INSR: variants seen among roughly 807,000 people sequenced by gnomAD.
INSR encodes insulin receptor.
Under a neutral mutation model 142.6 loss-of-function variants are expected in INSR, and 67 were observed. The ratio of observed to expected loss-of-function variants is 0.47; its 90% CI spans 0.39 to 0.58. The LOEUF (loss-of-function observed/expected upper bound fraction) is 0.58. Among genes scored for constraint, INSR ranks in the 20% least tolerant of loss-of-function variants. The probability of loss-of-function intolerance (pLI) is 0.00; values close to 1 mark genes in which losing one functional copy is unlikely to be tolerated. For synonymous variants in INSR, 756 were observed against 743.1 expected (o/e 1.02, Z -0.28); for missense variants, 1,248 against 1,833.2 (o/e 0.68, Z 5.83).
intron 3 of INSR, among the ~76,000 whole-genome samples, chr19:7,179,412 G>A (rs1370863944): frequency 6.6e-6 from 1 of 152,252 alleles, no homozygotes; most frequent in African/African-American, 2.4e-5. Flanking sequence ...CTTTGGAGGA[G>A]GATGGTGTCA....
intron 2 of INSR, among the ~76,000 whole-genome samples, chr19:7,250,210 A>G (rs929087885): frequency 4.1e-5 from 6 of 146,654 alleles, no homozygotes; most frequent in African/African-American, 1.5e-4. Flanking sequence ...GAGAAAAGAA[A>G]GAGAGAGGGA....
chr19:7,271,576 A>G (rs534573946), intron 1 of INSR, among the ~76,000 whole-genome samples: 2 of 152,306 alleles, frequency 1.3e-5, no homozygotes, highest in African/African-American at 4.8e-5. Context: ...ACTGTGGAAA[A>G]CACTCTGGTA....
At chr19:7,170,423 T>C in intron 6 of INSR, 114 bp downstream of exon 6, 1 of 772,864 alleles carries the variant, frequency 1.3e-6, no homozygotes, top group Non-Finnish European at 2.3e-6. Context: ...GCATAGTAAA[T>C]GTAATGCACT....
intron 9 of INSR, among the ~76,000 whole-genome samples, chr19:7,154,501 A>ACC (rs1263723576): frequency 3.3e-4 from 49 of 150,008 alleles, no homozygotes; most frequent in Non-Finnish European, 5.9e-4. Context: ...ATGGGGTTTC[A>ACC]TTGTGTTAGC....
intron 13 of INSR, among the ~76,000 whole-genome samples, chr19:7,139,509 G>A (rs1973016638): frequency 6.6e-6 from 1 of 152,118 alleles, no homozygotes; most frequent in Non-Finnish European, 1.5e-5. Flanking sequence ...GACATCAAAA[G>A]GCAGAGGAAA....
At chr19:7,151,113 GC>G (rs1973328486) in intron 10 of INSR, among the ~76,000 whole-genome samples, 1 of 114,482 alleles carries the variant, frequency 8.7e-6, no homozygotes, top group Non-Finnish European at 1.8e-5. Flanking sequence ...TCCCTCCCTT[GC>G]CCCCTTCCTT....
At chr19:7,172,473 CAT>C (rs1974040585) in intron 4 of INSR, 39 bp from the exon 5 acceptor site, 1 of 1,604,186 alleles carries the variant, frequency 6.2e-7, no homozygotes, top group Non-Finnish European at 8.5e-7. Flanking sequence ...TTTCTATAGA[CAT>C]ATTTCAATCT....
chr19:7,283,723 A>T (rs1807514308), intron 1 of INSR, among the ~76,000 whole-genome samples: 1 of 152,172 alleles, frequency 6.6e-6, no homozygotes, highest in Non-Finnish European at 1.5e-5. Context: ...TACGGGTATG[A>T]GCCACAGATT....
At chr19:7,249,011 G>A (rs926778317) in intron 2 of INSR, among the ~76,000 whole-genome samples, 1 of 151,806 alleles carries the variant, frequency 6.6e-6, no homozygotes, top group Non-Finnish European at 1.5e-5. Flanking sequence ...CGCCCACCTC[G>A]GCCTCCCAAA....
At chr19:7,226,064 T>C (rs536001618) in intron 2 of INSR, among the ~76,000 whole-genome samples, 19 of 152,300 alleles carry the variant, frequency 1.2e-4, no homozygotes, top group African/African-American at 4.3e-4. Flanking sequence ...TAGGGGGAAG[T>C]CTCATTTTTC....
chr19:7,172,623 A>G (rs1974044600), intron 4 of INSR, among the ~76,000 whole-genome samples, 189 bp from the exon 5 acceptor site: 1 of 152,198 alleles, frequency 6.6e-6, no homozygotes, highest in Non-Finnish European at 1.5e-5. Flanking sequence ...CTTCTGCCCC[A>G]GGACCTTGGC....
intron 11 of INSR, among the ~76,000 whole-genome samples, chr19:7,144,294 A>G (rs549933020): frequency 1.3e-5 from 2 of 152,328 alleles, no homozygotes; most frequent in Non-Finnish European, 1.5e-5. Context: ...GTTTTCCTCC[A>G]TCATCTACAA....
At position 7,132,295 on chromosome 19, in the gene INSR, C is replaced by T. The variant is rs753474375; in HGVS notation, c.2705G>A (p.Arg902His). ...GDEELHLCVS[R>H]KHFALERGCR... ...GCCCCGTTCCAGAGCGAAGTGCTTG[C>T]GGGAGACGCAGAGATGCAGCTCCTG... The change falls in exon 14 of 22, where the codon CGC (arginine) becomes CAC (histidine). Residue 902 changes from arginine to histidine, a missense_variant. Arg to His is a conservative substitution (Grantham distance 29). Around this residue, in one of 3 missense-constraint regions of INSR, gnomAD observed 1,069 missense variants for 1,654.0 expected, o/e 0.65. Transcript: ENST00000302850. The T allele has an allele frequency of 3.7e-6, 6 of 1,613,936 alleles. No homozygotes were observed. The highest frequency in any genetic ancestry group is 1.3e-5 in the African/African-American group (1 of 74,926).
intron 2 of INSR, among the ~76,000 whole-genome samples, chr19:7,226,032 G>A (rs141299169): frequency 3.0e-4 from 45 of 152,286 alleles, no homozygotes; most frequent in Admixed American, 2.9e-3. Context: ...AGATGACAAC[G>A]TCTCTGAGTT....
chr19:7,199,560 C>CTTTTT (rs3084138), intron 2 of INSR, among the ~76,000 whole-genome samples: 2,375 of 78,614 alleles, frequency 0.03, 207 homozygotes, highest in Middle Eastern at 0.06. Context: ...ACTGCGACAG[C>CTTTTT]TTTTTTTTTT....
intron 11 of INSR, among the ~76,000 whole-genome samples, chr19:7,146,026 A>T (rs1385159280): frequency 1.3e-5 from 2 of 152,134 alleles, no homozygotes; most frequent in African/African-American, 2.4e-5. Context: ...TAGGAATTTT[A>T]AATTAAGGTT....
chr19:7,219,859 T>C (rs1309630829), intron 2 of INSR, among the ~76,000 whole-genome samples: 1 of 152,148 alleles, frequency 6.6e-6, no homozygotes, highest in Non-Finnish European at 1.5e-5. Flanking sequence ...CTGAGACACG[T>C]GGTCTCTACA....
chr19:7,162,170 T>C (rs1045397257), intron 9 of INSR, among the ~76,000 whole-genome samples: 2 of 151,492 alleles, frequency 1.3e-5, no homozygotes, highest in African/African-American at 4.9e-5. Flanking sequence ...CTACTAAAAA[T>C]ACAAAAATTA....
chr19:7,224,242 A>AG (rs1975709746), intron 2 of INSR, among the ~76,000 whole-genome samples: 1 of 56,826 alleles, frequency 1.8e-5, no homozygotes, highest in Non-Finnish European at 3.3e-5. Context: ...ACACCAGGCC[A>AG]ATTTTTTTTT....
Sources: gnomAD v4.1 joint callset for allele counts (sites outside exome capture counted in the v4.1 genomes callset) on GRCh38, gnomAD v4.1.1 for gene constraint, gnomAD v4.1.1 regional missense constraint, MANE v1.5 for transcripts, NCBI Gene and HGNC (gene_info 2026-07-23, HGNC 2026-07-21) for gene names.